Variants in ZNF236 observed in about 807,000 individuals in gnomAD.
ZNF236 encodes regulated by glucose.
A neutral mutation model predicts 191.2 loss-of-function variants in ZNF236; 50 were observed. That is an observed-to-expected ratio of 0.26 (90% CI 0.21 to 0.33). ZNF236 has a LOEUF of 0.33. Ranked by LOEUF, ZNF236 falls within the 10% of genes least tolerant of loss-of-function variation. The pLI, the probability that ZNF236 is intolerant of heterozygous loss-of-function variation, is 1.00. For missense variants in ZNF236, 1,754 were observed against 2,374.5 expected (o/e 0.74, Z 5.43); for synonymous variants, 907 against 928.8 (o/e 0.98, Z 0.43).
Position 76,956,125 on chromosome 18 carries a change from G to A in ZNF236, c.5055G>A (p.Glu1685=), listed in dbSNP as rs528550037. The change falls in exon 28 of 31, where the codon GAG becomes GAA. Residue 1685 remains glutamate (E), a synonymous_variant. Coordinates refer to ENST00000320610, the MANE Select transcript of ZNF236 (RefSeq NM_001306089.2). The part of the protein sequence containing the change: ...MHHSKEVHGR[E]RIHGCPVCRK... ...ACAGCAAGGAGGTGCATGGCCGGGA[G>A]CGCATCCACGGCTGCCCCGTGTGCA... The A allele has an allele frequency of 6.4e-7, 1 of 1,572,996 alleles. No individual in the cohort carries two copies. The highest frequency in any genetic ancestry group is 1.2e-5 in the South Asian group (1 of 86,284).
At chr18:76,939,192 G>A (rs2122885773) in intron 26 of ZNF236, among the ~76,000 whole-genome samples, 1 of 152,186 alleles carries the variant, frequency 6.6e-6, no homozygotes, top group South Asian at 2.1e-4. Flanking sequence ...AATTAGCCAG[G>A]CATGGTGGTG....
intron 3 of ZNF236, among the ~76,000 whole-genome samples, chr18:76,867,943 T>C (rs887669700): frequency 2.0e-5 from 3 of 151,608 alleles, no homozygotes; most frequent in Middle Eastern, 3.4e-3. Context: ...AAGTGAAAGA[T>C]GAGGAATTTA....
At chr18:76,843,702 G>A (rs1016766326) in intron 1 of ZNF236, among the ~76,000 whole-genome samples, 3 of 144,668 alleles carry the variant, frequency 2.1e-5, no homozygotes, top group Non-Finnish European at 3.0e-5. Context: ...CTTGAACCTG[G>A]GAAGTGGAGG....
At chr18:76,867,275 G>A (rs1193492990) in intron 3 of ZNF236, among the ~76,000 whole-genome samples, 1 of 150,654 alleles carries the variant, frequency 6.6e-6, no homozygotes, top group Non-Finnish European at 1.5e-5. Flanking sequence ...TTTTTTTGTG[G>A]GGAGTTTCCT....
rs182123826 is a variant in ZNF236, at chr18:76,960,903, G to A, written c.5419+48G>A. On this transcript the variant is annotated intron_variant, in intron 30 of 30. Coordinates refer to ENST00000320610, the MANE Select transcript of ZNF236 (RefSeq NM_001306089.2). The surrounding 1 kb of genome is among the most constrained non-coding windows in gnomAD (Gnocchi z 4.4). ...TGCGTGCTGTTCGGTGGCCTGCGAG[G>A]CACCCTGTGTTTCGCATACATTGTT... 1 of 1,549,754 alleles carries A rather than the reference G, an allele frequency of 6.5e-7. No homozygotes were observed. The highest frequency in any genetic ancestry group is 8.7e-7 in the Non-Finnish European group (1 of 1,144,860).
intron 3 of ZNF236, among the ~76,000 whole-genome samples, chr18:76,862,396 C>T (rs1976266810): frequency 6.6e-6 from 1 of 152,162 alleles, no homozygotes; most frequent in Non-Finnish European, 1.5e-5. Context: ...GAACTTCTAT[C>T]CCATTCTGCC....
rs146680521 is a variant in ZNF236 at position 76,863,497 on chromosome 18, T to G, written c.364-5188T>G. ...GAACACTGATTCAGGTGACAGCGAA[T>G]TTCTCATCTGCCTCCATGGAAGCTA... On this transcript the variant is annotated intron_variant, in intron 3 of 30. Transcript: ENST00000320610. 6.0e-4 allele frequency among the ~76,000 whole-genome samples: 91 copies of G among 152,304 alleles called. No homozygotes were observed. The East Asian group carries it at 0.016, about 27-fold the overall frequency.
At chr18:76,914,299 C>T (rs1967297632) in intron 18 of ZNF236, among the ~76,000 whole-genome samples, 1 of 152,166 alleles carries the variant, frequency 6.6e-6, no homozygotes, top group African/African-American at 2.4e-5. Flanking sequence ...GTAGGATATG[C>T]CACGTCTTAT....
intron 20 of ZNF236, 89 bp downstream of exon 20, chr18:76,920,147 C>A: frequency 6.9e-7 from 1 of 1,446,534 alleles, no homozygotes; most frequent in Non-Finnish European, 9.3e-7. Flanking sequence ...TGCAGCAGGG[C>A]CATTAGTTTC....
At chr18:76,906,609 G>A (rs917622893) in intron 13 of ZNF236, among the ~76,000 whole-genome samples, 2 of 152,200 alleles carry the variant, frequency 1.3e-5, no homozygotes, top group South Asian at 2.1e-4. Context: ...GTGTCCTTTC[G>A]TAGTAGTATT....
chr18:76,899,407 C>T (rs1345406339), intron 11 of ZNF236, among the ~76,000 whole-genome samples, 185 bp downstream of exon 11: 1 of 152,196 alleles, frequency 6.6e-6, no homozygotes, highest in African/African-American at 2.4e-5. Context: ...AGATTAAAAT[C>T]TAAGTTGTAT....
At chr18:76,954,350 C>T (rs1300714547) in intron 27 of ZNF236, among the ~76,000 whole-genome samples, 1 of 152,214 alleles carries the variant, frequency 6.6e-6, no homozygotes, top group African/African-American at 2.4e-5. Flanking sequence ...TGTTCATTGC[C>T]ATGACTACTG....
intron 30 of ZNF236, among the ~76,000 whole-genome samples, chr18:76,961,367 T>TTGTGTG (rs58383689): frequency 5.8e-4 from 85 of 146,946 alleles, no homozygotes; most frequent in African/African-American, 1.1e-3. Flanking sequence ...TAGTATTCCA[T>TTGTGTG]TGTGTGTGTG....
At chr18:76,955,620 T>A (rs1460723111) in intron 27 of ZNF236, among the ~76,000 whole-genome samples, 1 of 152,218 alleles carries the variant, frequency 6.6e-6, no homozygotes, top group African/African-American at 2.4e-5. Context: ...AAGCTTGCCG[T>A]ATGCAGCCCT....
At chr18:76,930,080 T>C (rs541996788) in intron 25 of ZNF236, among the ~76,000 whole-genome samples, 1 of 152,306 alleles carries the variant, frequency 6.6e-6, no homozygotes, top group East Asian at 1.9e-4. Context: ...GCCCAGTTAT[T>C]AATAAAAAGG....
chr18:76,928,094 C>T lies in ZNF236; in HGVS notation c.4582C>T (p.Leu1528=). The T allele has an allele frequency of 6.2e-7, 1 of 1,609,392 alleles. No homozygotes were observed. Among genetic ancestry groups the T allele is most frequent in the Non-Finnish European group, 8.5e-7 (1 of 1,178,010 alleles). The part of the protein sequence containing the change: ...SSSGSPQEIT[L]TISELNTTSG... ...CTCGGGGTCTCCACAGGAAATTACC[C>T]TGACTATCTCCGGTTAGTAAGTTAT... Residue 1528 remains leucine, a synonymous_variant, in exon 25 of 31, where the codon CTG becomes TTG. Transcript: ENST00000320610.
In ZNF236 at chr18:76,927,171, A is replaced by G. The variant is rs1464341107; in HGVS notation, c.4162A>G (p.Ile1388Val). The change falls in exon 23 of 31, where the codon ATT becomes GTT. Residue 1388 changes from isoleucine (I) to valine (V), a missense_variant. By Grantham distance (29) the Ile-to-Val change is conservative (BLOSUM62 3). Transcript: ENST00000320610. The surrounding 1 kb of genome is among the most constrained non-coding windows in gnomAD (Gnocchi z 5.4). ...AATCGATGCTGCCAGCATTAATAAC[A>G]TTACGTTGCAGGTATGACACCTTCC... ...SGIDAASINN[I>V]TLQIDPSILQ... 6.2e-7 allele frequency: 1 copy of G among 1,613,936 alleles called. No individual in the cohort carries two copies. Among genetic ancestry groups the G allele is most frequent in the East Asian group, 2.2e-5 (1 of 44,868 alleles).
At chr18:76,947,950 TTATTA>T (rs1194451175) in intron 27 of ZNF236, among the ~76,000 whole-genome samples, 1 of 152,194 alleles carries the variant, frequency 6.6e-6, no homozygotes, top group African/African-American at 2.4e-5. Context: ...TATTAATATC[TTATTA>T]TATTTGCCTG....
chr18:76,966,493 C>T (rs1283649987), intron 30 of ZNF236, among the ~76,000 whole-genome samples: 2 of 152,180 alleles, frequency 1.3e-5, no homozygotes, highest in African/African-American at 4.8e-5. Context: ...CTGGACAGAG[C>T]TTTCTGTAGG....
Sources: gnomAD v4.1 joint callset for allele counts (sites outside exome capture counted in the v4.1 genomes callset) on GRCh38, gnomAD v4.1.1 for gene constraint, Gnocchi (gnomAD v3.1) non-coding constraint, MANE v1.5 for transcripts, NCBI Gene and HGNC (gene_info 2026-07-23, HGNC 2026-07-21) for gene names.